Variants in CCDC97 observed in about 807,000 individuals in gnomAD.
The protein encoded by CCDC97 is coiled-coil domain-containing protein 97.
CCDC97 carries 27 observed loss-of-function variants against 33.9 expected under a neutral mutation model. The ratio of observed to expected loss-of-function variants is 0.80; its 90% confidence interval spans 0.59 to 1.10. The LOEUF is 1.10. Ranked by LOEUF, CCDC97 falls within the 50% of genes least tolerant of loss-of-function variation. The probability of loss-of-function intolerance (pLI) is 0.00; values close to 1 mark genes in which losing one functional copy is unlikely to be tolerated. For synonymous variants in CCDC97, 217 were observed against 194.0 expected (o/e 1.12, Z -0.99); for missense variants, 422 against 476.6 (o/e 0.89, Z 1.07).
intron 3 of CCDC97, 42 bp from the exon 4 acceptor site, chr19:41,320,299 G>A (rs774536964): frequency 1.4e-5 from 23 of 1,610,556 alleles, no homozygotes; most frequent in Middle Eastern, 2.1e-4. Context: ...GTGCCTGCCC[G>A]AGTGCACCCG....
intron 1 of CCDC97, among the ~76,000 whole-genome samples, chr19:41,311,804 C>T (rs1314849840): frequency 2.6e-5 from 4 of 151,294 alleles, no homozygotes; most frequent in African/African-American, 7.3e-5. Flanking sequence ...GAGTCTGAGG[C>T]GGGAGGATCA....
chr19:41,310,604 A>T (rs2037671767), intron 1 of CCDC97: 1 of 984,944 alleles, frequency 1.0e-6, no homozygotes, highest in African/African-American at 1.8e-5. Flanking sequence ...CCATGTCCCT[A>T]ATTCATTTCC....
Position 41,316,604 on chromosome 19 carries a change from G to A in CCDC97, c.267G>A (p.Glu89=). 1 of 1,614,250 alleles carries A rather than the reference G, an allele frequency of 6.2e-7. No homozygotes were observed. Among genetic ancestry groups the A allele is most frequent in the East Asian group, 2.2e-5 (1 of 44,890 alleles). The part of the protein sequence containing the change: ...SQQQGEPDLT[E]HEKVAILAQL... Reference sequence around the variant, plus strand: ...AGCAGGGTGAACCCGACTTGACAGAGCATGAGAAAGTGGCCATCCTGGCCC... The same window carrying A: ...AGCAGGGTGAACCCGACTTGACAGAACATGAGAAAGTGGCCATCCTGGCCC... Residue 89 remains glutamate, a synonymous_variant, in exon 2 of 5, where the codon GAG becomes GAA. Transcript: ENST00000269967.
chr19:41,316,559 C>T lies in CCDC97; in HGVS notation c.222C>T (p.Arg74=). 6.2e-7 allele frequency: 1 copy of T among 1,614,254 alleles called. No homozygotes were observed. Among genetic ancestry groups the T allele is most frequent in the African/African-American group, 1.3e-5 (1 of 75,066 alleles). The stretch of plus-strand genomic sequence containing the variant: ...TGCTGCACGCTGTAGCCGCCAGCCG[C>T]CTGCCTGTTTGCAGCCAGCAGCAGG... ...SAMLHAVAAS[R]LPVCSQQQGE... Residue 74 remains arginine (R), a synonymous_variant, in exon 2 of 5, where the codon CGC becomes CGT. Transcript: ENST00000269967.
In CCDC97 at chr19:41,320,369, C is replaced by A; in HGVS notation, c.810C>A (p.Ala270=). 6.2e-7 allele frequency: 1 copy of A among 1,614,154 alleles called. No individual in the cohort carries two copies. Among genetic ancestry groups the A allele is most frequent in the South Asian group, 1.1e-5 (1 of 91,084 alleles). Residue 270 remains alanine, a synonymous_variant, in exon 4 of 5, where the codon GCC becomes GCA. Coordinates refer to ENST00000269967, the MANE Select transcript of CCDC97 (RefSeq NM_052848.3). ...AGAGGTCAGGCAAGGACTCGGAGGCCTGGGTTCCCGACTCGGAGGAGAGGC... is the reference window on the plus strand; with the variant it reads ...AGAGGTCAGGCAAGGACTCGGAGGCATGGGTTCCCGACTCGGAGGAGAGGC... The part of the protein sequence containing the change: ...EDQRSGKDSE[A]WVPDSEERLI...
At chr19:41,315,380 G>A (rs1464555935) in intron 1 of CCDC97, among the ~76,000 whole-genome samples, 1 of 151,246 alleles carries the variant, frequency 6.6e-6, no homozygotes, top group Non-Finnish European at 1.5e-5. Flanking sequence ...CCGAAGGGGA[G>A]TGGATCACCT....
chr19:41,322,613 C>G lies in CCDC97; in HGVS notation c.930C>G (p.Pro310=), dbSNP rs1212776377. The G allele has an allele frequency of 6.2e-7, 1 of 1,613,658 alleles. No individual in the cohort carries two copies. ...DFDYSTVDDN[P]DFDNLDIVAR... is the part of the protein sequence containing the mutation. ...CCTGCAGCACAGTAGACGACAACCC[C>G]GACTTCGACAACCTCGACATCGTGG... Residue 310 remains proline (P), a synonymous_variant, in exon 5 of 5, where the codon CCC becomes CCG. Coordinates refer to ENST00000269967, the MANE Select transcript of CCDC97 (RefSeq NM_052848.3).
intron 2 of CCDC97, among the ~76,000 whole-genome samples, chr19:41,318,277 C>T (rs966908547): frequency 2.6e-5 from 4 of 152,010 alleles, no homozygotes; most frequent in Admixed American, 6.6e-5. Context: ...GGTGAAACCC[C>T]GGCTCTACTA....
chr19:41,310,229 G>C lies in CCDC97; in HGVS notation c.-82G>C, dbSNP rs2037663299. 3.9e-6 allele frequency: 6 copies of C among 1,539,722 alleles called. No individual in the cohort carries two copies. Among genetic ancestry groups the C allele is most frequent in the Non-Finnish European group, 3.5e-6 (4 of 1,136,768 alleles). On this transcript the variant is annotated 5_prime_UTR_variant, in exon 1 of 5. Coordinates refer to ENST00000269967, the MANE Select transcript of CCDC97 (RefSeq NM_052848.3). ...TGCACCCGGACCCGGAACATTCTCAGGCGAAAGTGTCTCTTGCGTGCGTGG... is the reference window on the plus strand; with the variant it reads ...TGCACCCGGACCCGGAACATTCTCACGCGAAAGTGTCTCTTGCGTGCGTGG...
intron 1 of CCDC97, among the ~76,000 whole-genome samples, chr19:41,313,231 C>T (rs1054855777): frequency 1.3e-5 from 2 of 152,164 alleles, no homozygotes; most frequent in African/African-American, 4.8e-5. Context: ...TGTGCCCTCC[C>T]CAGTCCCTAC....
intron 2 of CCDC97, among the ~76,000 whole-genome samples, chr19:41,318,612 G>T (rs930305568): frequency 6.6e-6 from 1 of 152,180 alleles, no homozygotes; most frequent in Non-Finnish European, 1.5e-5. Context: ...CTGAAGACAC[G>T]GCTAGGACCA....
chr19:41,320,312 T>C (rs1425603850), intron 3 of CCDC97, 29 bp from the exon 4 acceptor site: 2 of 1,612,292 alleles, frequency 1.2e-6, no homozygotes, highest in Admixed American at 3.3e-5. Flanking sequence ...TGCACCCGCA[T>C]TCACACCCCC....
chr19:41,316,536 C>T lies in CCDC97; in HGVS notation c.199C>T (p.Leu67=). Residue 67 remains leucine, a synonymous_variant, in exon 2 of 5, where the codon CTG becomes TTG. Coordinates refer to ENST00000269967, the MANE Select transcript of CCDC97 (RefSeq NM_052848.3). ...GAENAAVSAM[L]HAVAASRLPV... ...TGAAAATGCAGCAGTGAGTGCTATG[C>T]TGCACGCTGTAGCCGCCAGCCGCCT... 6.2e-7 allele frequency: 1 copy of T among 1,614,268 alleles called. No individual in the cohort carries two copies.
chr19:41,320,497 C>G, intron 4 of CCDC97, 27 bp downstream of exon 4: 1 of 1,613,284 alleles, frequency 6.2e-7, no homozygotes, highest in Non-Finnish European at 8.5e-7. Flanking sequence ...ACCTCCCCAT[C>G]CCCCAGCCCA....
chr19:41,310,893 G>A (rs2037675698), intron 1 of CCDC97: 5 of 987,482 alleles, frequency 5.1e-6, no homozygotes, highest in Non-Finnish European at 6.0e-6. Flanking sequence ...CAATTTCTGT[G>A]CTTTCCCACA....
At chr19:41,321,443 C>T (rs929088614) in intron 4 of CCDC97, among the ~76,000 whole-genome samples, 5 of 152,210 alleles carry the variant, frequency 3.3e-5, no homozygotes, top group African/African-American at 9.6e-5. Context: ...GCAGTGGCCC[C>T]GACGTGTCCC....
In CCDC97 at chr19:41,320,396, G is replaced by T; in HGVS notation, c.837G>T (p.Leu279=). The T allele has an allele frequency of 6.2e-7, 1 of 1,614,152 alleles. No individual in the cohort carries two copies. The highest frequency in any genetic ancestry group is 1.3e-5 in the African/African-American group (1 of 75,052). ...EAWVPDSEER[L]ILREEFTSRM... is the part of the protein sequence containing the mutation. ...GGGTTCCCGACTCGGAGGAGAGGCT[G>T]ATCCTGCGAGAGGAGTTCACCAGCC... Residue 279 remains leucine (L), a synonymous_variant, in exon 4 of 5, where the codon CTG becomes CTT. Transcript: ENST00000269967.
In CCDC97 at chr19:41,316,697, G is replaced by C; in HGVS notation, c.360G>C (p.Leu120=). 2 of 1,614,076 alleles carry C rather than the reference G, an allele frequency of 1.2e-6. No individual in the cohort carries two copies. The highest frequency in any genetic ancestry group is 3.3e-4 in the Middle Eastern group (2 of 6,062). The change falls in exon 2 of 5, where the codon CTG becomes CTC. Residue 120 remains leucine, a synonymous_variant. Transcript: ENST00000269967. ...RFRTGLREEH[L]ACFGHVRGDH... ...GCACAGGCCTCCGTGAGGAGCATCT[G>C]GCCTGCTTTGGCCACGTGCGTGGCG...
At position 41,322,777 on chromosome 19, in the gene CCDC97, G is replaced by T. The variant is rs564604249; in HGVS notation, c.*62G>T. The T allele has an allele frequency of 1.3e-6, 2 of 1,579,748 alleles. No individual in the cohort carries two copies. The highest frequency in any genetic ancestry group is 2.3e-5 in the East Asian group (1 of 44,326). ...TCCCCAACAAGGCAGCTGATTCCAGGCCTGCTCAGTGACCCTTTCTCTAGG... is the reference window on the plus strand; with the variant it reads ...TCCCCAACAAGGCAGCTGATTCCAGTCCTGCTCAGTGACCCTTTCTCTAGG... On this transcript the variant is annotated 3_prime_UTR_variant, in exon 5 of 5. Coordinates refer to ENST00000269967, the MANE Select transcript of CCDC97 (RefSeq NM_052848.3).
Sources: allele counts gnomAD v4.1 joint callset (sites outside exome capture counted in the v4.1 genomes callset), GRCh38; gene constraint gnomAD v4.1.1; transcripts MANE v1.5; gene names NCBI Gene and HGNC (gene_info 2026-07-23, HGNC 2026-07-21).